Variants in SOD2 observed in about 807,000 individuals in gnomAD.
SOD2 encodes superoxide dismutase [Mn], mitochondrial.
A neutral mutation model predicts 27.0 loss-of-function variants in SOD2; 11 were observed. That is an observed-to-expected ratio of 0.41 (90% CI 0.26 to 0.67). SOD2 has a LOEUF of 0.67. Among genes scored for constraint, SOD2 ranks in the 30% least tolerant of loss-of-function variants. The pLI, the probability that SOD2 is intolerant of heterozygous loss-of-function variation, is 0.34. For synonymous variants in SOD2, 105 were observed against 103.0 expected, an observed-to-expected ratio of 1.02 and a Z score of -0.12; for missense variants, 250 against 274.5, an observed-to-expected ratio of 0.91 and a Z score of 0.63.
intron 1 of SOD2, among the ~76,000 whole-genome samples, chr6:159,737,647 C>T (rs904874367): frequency 2.6e-5 from 4 of 151,904 alleles, no homozygotes; most frequent in Admixed American, 6.6e-5. Context: ...TGTGCCACTA[C>T]GCCTGGCTAA....
upstream of SOD2, among the ~76,000 whole-genome samples, chr6:159,727,918 A>G (rs1200143180): frequency 1.3e-5 from 2 of 152,200 alleles, no homozygotes; most frequent in African/African-American, 4.8e-5. Context: ...TCCGTCCCCA[A>G]GGCCCGGGTT....
chr6:159,683,236 CA>C, intron 4 of SOD2, among the ~76,000 whole-genome samples: 1 of 152,318 alleles, frequency 6.6e-6, no homozygotes, highest in African/African-American at 2.4e-5. Flanking sequence ...GTAATCCCAG[CA>C]CTTTGGGAGG....
chr6:159,679,515 G>C lies in SOD2; in HGVS notation c.*2978C>G, dbSNP rs1779858493. The C allele has an allele frequency of 6.6e-6, 1 of 152,212 alleles. No homozygotes were observed. The highest frequency in any genetic ancestry group is 1.5e-5 in the Non-Finnish European group (1 of 68,044). 9.4% of individuals were successfully genotyped at this position (152,212 alleles called of 1,614,324 possible). ...CTCACTTTAAGACCATGAATTTCAA[G>C]TTGCAATGAAGTGTACAATAAAGTT... On this transcript the variant is annotated 3_prime_UTR_variant, in exon 5 of 5. Coordinates refer to ENST00000538183, the MANE Select transcript of SOD2 (RefSeq NM_000636.4).
upstream of SOD2, among the ~76,000 whole-genome samples, chr6:159,747,075 G>C (rs1185047381): frequency 6.6e-6 from 1 of 152,098 alleles, no homozygotes; most frequent in East Asian, 1.9e-4. Context: ...AAACCACTTA[G>C]TATATTTGTT....
chr6:159,760,203 C>T (rs773486950), intron 1 of SOD2: 3 of 152,214 alleles, frequency 2.0e-5, no homozygotes, highest in Non-Finnish European at 4.4e-5. Context: ...AGTTTCACTG[C>T]TCACTGAGAT....
chr6:159,684,926 C>A lies in SOD2; in HGVS notation c.451G>T (p.Gly151Cys). The change falls in exon 4 of 5, where the codon GGT becomes TGT. Residue 151 changes from glycine to cysteine, a missense_variant. By Grantham distance (159) the Gly-to-Cys change is radical. Transcript: ENST00000538183. The stretch of plus-strand genomic sequence containing the variant: ...AAGTGTCCCCGTTCCTTATTGAAAC[C>A]AAGCCAACCCCAACCTGAGCCTTGG... Reference protein sequence around the residue: ...GVQGSGWGWLGFNKERGHLQI... With the variant: ...GVQGSGWGWLCFNKERGHLQI... 6.2e-7 allele frequency: 1 copy of A among 1,613,656 alleles called. No homozygotes were observed.
chr6:159,740,434 G>C (rs1779183565), intron 1 of SOD2, among the ~76,000 whole-genome samples: 1 of 152,106 alleles, frequency 6.6e-6, no homozygotes, highest in Admixed American at 6.6e-5. Flanking sequence ...TTTTAAACCA[G>C]CTGCTACTTA....
At chr6:159,690,495 G>A (rs1313295922) in intron 2 of SOD2, among the ~76,000 whole-genome samples, 2 of 152,056 alleles carry the variant, frequency 1.3e-5, no homozygotes, top group Middle Eastern at 3.2e-3. Flanking sequence ...GCTGCTTTCT[G>A]AAACAAGCTC....
At chr6:159,712,334 C>A (rs28459831) in intron 1 of SOD2, among the ~76,000 whole-genome samples, 3,143 of 98,106 alleles carry the variant, frequency 0.032, 21 homozygotes, top group African/African-American at 0.049. Context: ...TCTGATCACC[C>A]TAACCACCTC....
intron 1 of SOD2, among the ~76,000 whole-genome samples, chr6:159,733,469 A>G (rs1318128477): frequency 6.6e-6 from 1 of 152,140 alleles, no homozygotes; most frequent in Non-Finnish European, 1.5e-5. Context: ...AAAATTACAA[A>G]AAATTAACTG....
chr6:159,727,250 G>C, exon 1 of SOD2: 1 of 1,282,912 alleles, frequency 7.8e-7, no homozygotes, highest in Non-Finnish European at 1.0e-6. Context: ...TAGGCCGACG[G>C]CCTCCCTCCC....
intron 1 of SOD2, among the ~76,000 whole-genome samples, chr6:159,702,446 A>G (rs1355274764): frequency 2.6e-5 from 4 of 151,556 alleles, no homozygotes; most frequent in Non-Finnish European, 5.9e-5. Context: ...ACAGACGTGC[A>G]CTGCCACACC....
Position 159,673,145 on chromosome 6 carries a change from C to T in SOD2, c.*9348G>A, listed in dbSNP as rs1215018749. 8.5e-5 allele frequency: 13 copies of T among 152,096 alleles called. No individual in the cohort carries two copies. Among genetic ancestry groups the T allele is most frequent in the Admixed American group, 5.2e-4 (8 of 15,252 alleles). The allele number at this position is 152,096 out of a possible 1,614,324, so 9.4% of individuals were successfully genotyped here. A position where few individuals can be genotyped will look rare whatever the true frequency, so the allele number is the denominator to read the frequency against. ...AGAGATTTAGACTCCCACACAATAACAATGGGAGACTCTAACACCCCACTG... is the reference window on the plus strand; with the variant it reads ...AGAGATTTAGACTCCCACACAATAATAATGGGAGACTCTAACACCCCACTG... On this transcript the variant is annotated 3_prime_UTR_variant, in exon 5 of 5. Coordinates refer to ENST00000538183, the MANE Select transcript of SOD2 (RefSeq NM_000636.4).
chr6:159,697,651 C>A (rs1345101615), upstream of SOD2, among the ~76,000 whole-genome samples: 1 of 152,166 alleles, frequency 6.6e-6, no homozygotes, highest in Non-Finnish European at 1.5e-5. Flanking sequence ...CCATAAAGGG[C>A]AAAGGGAGTC....
chr6:159,693,737 A>G (rs1308888048), upstream of SOD2, among the ~76,000 whole-genome samples: 1 of 152,208 alleles, frequency 6.6e-6, no homozygotes. Flanking sequence ...CCTAGGGAAG[A>G]CGGGGCCTAG....
intron 1 of SOD2, among the ~76,000 whole-genome samples, chr6:159,710,048 A>G (rs1777701688): frequency 7.1e-6 from 1 of 140,900 alleles, no homozygotes; most frequent in Non-Finnish European, 1.5e-5. Context: ...GTTCTCACTC[A>G]TAGGTGGGAA....
At chr6:159,693,113 T>C (rs1392775588) in intron 1 of SOD2, 32 bp downstream of exon 1, 1 of 1,526,640 alleles carries the variant, frequency 6.6e-7, no homozygotes, top group East Asian at 2.6e-5. Flanking sequence ...CCTTCGCCCT[T>C]GGGGCCGTGA....
chr6:159,758,932 C>T (rs962535699), intron 1 of SOD2, among the ~76,000 whole-genome samples: 2 of 152,178 alleles, frequency 1.3e-5, no homozygotes, highest in African/African-American at 4.8e-5. Flanking sequence ...AAACTGGCTC[C>T]ATAGCACTGC....
intron 1 of SOD2, chr6:159,755,535 G>T (rs1207598006): frequency 1.2e-6 from 2 of 1,614,038 alleles, no homozygotes; most frequent in African/African-American, 1.3e-5. Context: ...AGTGGGAAAG[G>T]TAATCGAACT....
Sources: gnomAD v4.1 joint callset for allele counts (sites outside exome capture counted in the v4.1 genomes callset) on GRCh38, gnomAD v4.1.1 for gene constraint, MANE v1.5 for transcripts, NCBI Gene and HGNC (gene_info 2026-07-23, HGNC 2026-07-21) for gene names.